The following TNIK variants were observed in gnomAD, a reference collection of about 807,000 sequenced individuals.
TNIK encodes the protein TRAF2 and NCK-interacting protein kinase.
A neutral mutation model predicts 191.3 loss-of-function variants in TNIK; 49 were observed. The observed-to-expected ratio is 0.26, with a 90% CI of 0.20 to 0.32. The LOEUF (loss-of-function observed/expected upper bound fraction) is 0.32. TNIK is among the 10% of genes least tolerant of loss of function. The probability of loss-of-function intolerance (pLI) is 1.00; values close to 1 mark genes in which losing one functional copy is unlikely to be tolerated. For missense variants in TNIK, 1,155 were observed against 1,702.3 expected (o/e 0.68, Z 5.66); for synonymous variants, 594 against 600.9 (o/e 0.99, Z 0.17).
intron 1 of TNIK, among the ~76,000 whole-genome samples, chr3:171,441,407 T>C (rs1229884126): frequency 3.3e-5 from 5 of 152,232 alleles, no homozygotes; most frequent in African/African-American, 9.6e-5. Flanking sequence ...AATCATACAA[T>C]ATGCAATCAT....
At chr3:171,192,492 T>G (rs1738179876) in intron 5 of TNIK, among the ~76,000 whole-genome samples, 1 of 152,228 alleles carries the variant, frequency 6.6e-6, no homozygotes, top group Non-Finnish European at 1.5e-5. Flanking sequence ...GAGAATATAC[T>G]GGAAAAAGGA....
At chr3:171,331,606 A>G (rs1298864630) in intron 2 of TNIK, among the ~76,000 whole-genome samples, 1 of 152,234 alleles carries the variant, frequency 6.6e-6, no homozygotes, top group Non-Finnish European at 1.5e-5. Context: ...GGTCTCAAAT[A>G]CAAGTCTATT....
chr3:171,386,050 C>T (rs1156791584), intron 1 of TNIK, among the ~76,000 whole-genome samples: 1 of 152,212 alleles, frequency 6.6e-6, no homozygotes, highest in Non-Finnish European at 1.5e-5. Flanking sequence ...CCTGCTCCTT[C>T]CAAAGCTGAA....
chr3:171,259,327 C>T (rs953687012), intron 2 of TNIK, among the ~76,000 whole-genome samples: 2 of 152,162 alleles, frequency 1.3e-5, no homozygotes, highest in African/African-American at 2.4e-5. Context: ...AACGCACCCA[C>T]GGCTGATGGG....
At chr3:171,410,316 T>G (rs1298992484) in intron 1 of TNIK, among the ~76,000 whole-genome samples, 1 of 152,230 alleles carries the variant, frequency 6.6e-6, no homozygotes, top group African/African-American at 2.4e-5. Flanking sequence ...TGAAGGCTTT[T>G]TCACTCACAT....
intron 3 of TNIK, among the ~76,000 whole-genome samples, chr3:171,213,651 ATAAAGTC>A (rs1400089455): frequency 6.6e-6 from 1 of 152,182 alleles, no homozygotes; most frequent in Non-Finnish European, 1.5e-5. Context: ...GGAGGTCAGA[ATAAAGTC>A]AGTACATTCT....
At chr3:171,274,934 T>G (rs774069218) in intron 2 of TNIK, among the ~76,000 whole-genome samples, 3 of 152,174 alleles carry the variant, frequency 2.0e-5, no homozygotes, top group African/African-American at 7.2e-5. Flanking sequence ...AAACTTGAGA[T>G]TCTTCGAAGG....
chr3:171,458,789 T>G (rs1205758052), intron 1 of TNIK, among the ~76,000 whole-genome samples: 1 of 152,196 alleles, frequency 6.6e-6, no homozygotes, highest in Non-Finnish European at 1.5e-5. Context: ...GAATTCCTTC[T>G]CATCCACCCT....
chr3:171,348,418 C>T (rs541138973), intron 2 of TNIK, among the ~76,000 whole-genome samples: 1 of 152,062 alleles, frequency 6.6e-6, no homozygotes, highest in Non-Finnish European at 1.5e-5. Flanking sequence ...ACACCACCAC[C>T]GAGTGAAGCC....
intron 2 of TNIK, among the ~76,000 whole-genome samples, chr3:171,314,570 G>A (rs1754392648): frequency 6.6e-6 from 1 of 152,086 alleles, no homozygotes; most frequent in African/African-American, 2.4e-5. Flanking sequence ...AGAAATTCCT[G>A]GCCTAAGTCA....
At chr3:171,101,837 T>G in intron 21 of TNIK, 1 of 566,634 alleles carries the variant, frequency 1.8e-6, no homozygotes, top group South Asian at 2.5e-5. Flanking sequence ...CAATTTAAAC[T>G]TTTTCAAAAC....
In TNIK at chr3:171,077,274, G is replaced by C. The variant is rs149582282; in HGVS notation, c.3448+2244C>G. 4.3e-3 allele frequency among the ~76,000 whole-genome samples: 660 copies of C among 152,204 alleles called. 10 individuals are homozygous for C. The highest frequency in any genetic ancestry group is 0.015 in the African/African-American group (613 of 41,512). Reference sequence around the variant, plus strand: ...CTTATTTCTTTCTAGGCCTGTGGCAGACTTGTCACCCCAGGTTCCCTTCAC... The same window carrying C: ...CTTATTTCTTTCTAGGCCTGTGGCACACTTGTCACCCCAGGTTCCCTTCAC... On this transcript the variant is annotated intron_variant, in intron 28 of 32. Transcript: ENST00000436636.
At chr3:171,347,002 C>A in intron 2 of TNIK, 2 of 777,580 alleles carry the variant, frequency 2.6e-6, no homozygotes, top group South Asian at 2.1e-5. Context: ...GCAAGGATAA[C>A]ATCAAGGGAC....
At chr3:171,422,103 C>G (rs1339433097) in intron 1 of TNIK, among the ~76,000 whole-genome samples, 3 of 152,086 alleles carry the variant, frequency 2.0e-5, no homozygotes, top group African/African-American at 7.2e-5. Context: ...TATTGTGACA[C>G]TGAATTAAAT....
chr3:171,113,063 A>T (rs1291374159), intron 18 of TNIK, among the ~76,000 whole-genome samples: 1 of 152,240 alleles, frequency 6.6e-6, no homozygotes, highest in African/African-American at 2.4e-5. Context: ...ATTTCACTCC[A>T]TACAAGGTTT....
At chr3:171,281,985 T>C (rs147324111) in intron 2 of TNIK, among the ~76,000 whole-genome samples, 2 of 152,292 alleles carry the variant, frequency 1.3e-5, no homozygotes, top group Admixed American at 6.5e-5. Flanking sequence ...AAGGTTGATT[T>C]TGGCCAAAAA....
At chr3:171,157,439 G>A (rs1443595628) in intron 12 of TNIK, 21 bp downstream of exon 12, 16 of 1,552,062 alleles carry the variant, frequency 1.0e-5, no homozygotes, top group Non-Finnish European at 1.4e-5. Context: ...GGGGTCAGAG[G>A]TGGCCCGAGC....
intron 2 of TNIK, among the ~76,000 whole-genome samples, chr3:171,316,555 G>C (rs1754617825): frequency 6.6e-6 from 1 of 152,102 alleles, no homozygotes; most frequent in African/African-American, 2.4e-5. Flanking sequence ...TAATAGCCCA[G>C]GCAAGCTGGA....
At chr3:171,198,359 C>T (rs1738983391) in intron 4 of TNIK, among the ~76,000 whole-genome samples, 1 of 151,888 alleles carries the variant, frequency 6.6e-6, no homozygotes, top group Non-Finnish European at 1.5e-5. Flanking sequence ...GAGACAGAAG[C>T]AGACTAGTGG....
Sources: gnomAD v4.1 joint callset for allele counts (sites outside exome capture counted in the v4.1 genomes callset) on GRCh38, gnomAD v4.1.1 for gene constraint, MANE v1.5 for transcripts, NCBI Gene and HGNC (gene_info 2026-07-23, HGNC 2026-07-21) for gene names.